Variants in ADGRL3 observed in about 807,000 individuals in gnomAD.
The protein encoded by ADGRL3 is adhesion G protein-coupled receptor L3.
A neutral mutation model predicts 153.5 loss-of-function variants in ADGRL3; 62 were observed. The observed-to-expected ratio is 0.40, with a 90% CI of 0.33 to 0.50. ADGRL3 has a LOEUF of 0.50. Among genes scored for constraint, ADGRL3 ranks in the 20% least tolerant of loss-of-function variants. ADGRL3 has a pLI of 0.47. For missense variants in ADGRL3, 1,641 were observed against 1,859.4 expected, an observed-to-expected ratio of 0.88 and a Z score of 2.16; for synonymous variants, 710 against 672.5, an observed-to-expected ratio of 1.06 and a Z score of -0.86.
intron 9 of ADGRL3, among the ~76,000 whole-genome samples, chr4:61,850,519 C>CTGATCTA (rs539794130): frequency 6.3e-4 from 96 of 152,240 alleles, no homozygotes; most frequent in African/African-American, 2.2e-3. Flanking sequence ...GTGAATAGTC[C>CTGATCTA]TGATCTATTT....
rs553454882 is a variant in ADGRL3, at chr4:61,540,653, T to C, written c.259+23135T>C. On this transcript the variant is annotated intron_variant, in intron 4 of 26. Transcript: ENST00000683033. ...TTAGATATTAAAATTATTAAGCATATTCCTAAAACTGGATTGAATGTAGCG... is the reference window on the plus strand; with the variant it reads ...TTAGATATTAAAATTATTAAGCATACTCCTAAAACTGGATTGAATGTAGCG... Among the ~76,000 whole-genome samples the C allele has an allele frequency of 3.9e-5, 6 of 152,334 alleles. No homozygotes were observed. The South Asian group carries it at 1.2e-3, about 32-fold the overall frequency.
chr4:61,332,460 C>A (rs965459127), intron 1 of ADGRL3, among the ~76,000 whole-genome samples: 3 of 152,120 alleles, frequency 2.0e-5, no homozygotes, highest in African/African-American at 4.8e-5. Flanking sequence ...AAATGATATA[C>A]CTTCTTTGAT....
intron 5 of ADGRL3, among the ~76,000 whole-genome samples, chr4:61,646,365 T>C (rs551979925): frequency 6.6e-6 from 1 of 152,052 alleles, no homozygotes; most frequent in South Asian, 2.1e-4. Context: ...GGCACTCTGC[T>C]TTTTAGAGTT....
At chr4:61,480,646 G>A (rs556926706) in intron 2 of ADGRL3, among the ~76,000 whole-genome samples, 12 of 152,062 alleles carry the variant, frequency 7.9e-5, no homozygotes, top group African/African-American at 2.2e-4. Flanking sequence ...AGCTGGGCGG[G>A]GTTTCGGGTG....
intron 5 of ADGRL3, among the ~76,000 whole-genome samples, chr4:61,607,592 C>T (rs1326489551): frequency 6.6e-6 from 1 of 151,940 alleles, no homozygotes; most frequent in African/African-American, 2.4e-5. Flanking sequence ...AGAGGTTCCA[C>T]CCAAACAAAC....
intron 9 of ADGRL3, among the ~76,000 whole-genome samples, chr4:61,880,622 G>A (rs947175749): frequency 6.6e-6 from 1 of 152,170 alleles, no homozygotes; most frequent in African/African-American, 2.4e-5. Context: ...AAAGTGGAAT[G>A]CCAAATTTCC....
chr4:61,671,551 A>T lies in ADGRL3; in HGVS notation c.474-5275A>T, dbSNP rs774783955. ...AAATTGCATATCTTTTTGATTGCAG[A>T]AAAGTCTATATATAAATAAATATGC... On this transcript the variant is annotated intron_variant, in intron 5 of 26. Coordinates refer to ENST00000683033, the MANE Select transcript of ADGRL3 (RefSeq NM_001387552.1). Among the ~76,000 whole-genome samples, 61 of 152,318 alleles carry T rather than the reference A, an allele frequency of 4.0e-4. 1 individual carries two copies. The highest frequency in any genetic ancestry group is 4.0e-4 in the Non-Finnish European group (27 of 68,024).
At chr4:61,518,856 T>C (rs1318825893) in intron 4 of ADGRL3, among the ~76,000 whole-genome samples, 2 of 152,234 alleles carry the variant, frequency 1.3e-5, no homozygotes, top group African/African-American at 4.8e-5. Flanking sequence ...TATTTTTCCC[T>C]TTCTGTTTTA....
chr4:61,900,371 A>T (rs1316574431), intron 11 of ADGRL3, among the ~76,000 whole-genome samples: 8 of 152,222 alleles, frequency 5.3e-5, no homozygotes, highest in Non-Finnish European at 1.2e-4. Flanking sequence ...TTTCAACTCA[A>T]AAATGAATTT....
At chr4:61,769,222 G>A (rs888194017) in intron 8 of ADGRL3, among the ~76,000 whole-genome samples, 17 of 152,186 alleles carry the variant, frequency 1.1e-4, no homozygotes, top group African/African-American at 2.7e-4. Context: ...CGTGACTGGC[G>A]CCGGAGTTTT....
chr4:61,539,902 C>T (rs909923056), intron 4 of ADGRL3, among the ~76,000 whole-genome samples: 6 of 152,120 alleles, frequency 3.9e-5, no homozygotes, highest in Admixed American at 3.3e-4. Flanking sequence ...CTGACTTCTT[C>T]CCATGGGCTG....
chr4:61,721,909 G>A (rs2096249751), intron 6 of ADGRL3, among the ~76,000 whole-genome samples: 1 of 151,976 alleles, frequency 6.6e-6, no homozygotes, highest in Non-Finnish European at 1.5e-5. Context: ...AACAAATACT[G>A]TTTGTATAAA....
At position 62,032,518 on chromosome 4, in the gene ADGRL3, G is replaced by T. The variant is rs965110151; in HGVS notation, c.3591+908G>T. Among the ~76,000 whole-genome samples, 10 of 151,516 alleles carry T rather than the reference G, an allele frequency of 6.6e-5. 1 individual carries two copies. In the East Asian group the frequency reaches 1.9e-3, roughly 29 times the overall value. On this transcript the variant is annotated intron_variant, in intron 23 of 26. Transcript: ENST00000683033. Reference sequence around the variant, plus strand: ...TCCCCATGTCTCAGTTTACTCATGTGTGACATGGAGGGGGTAAAAATAATT... The same window carrying T: ...TCCCCATGTCTCAGTTTACTCATGTTTGACATGGAGGGGGTAAAAATAATT...
At chr4:61,595,828 C>T (rs943528547) in intron 5 of ADGRL3, among the ~76,000 whole-genome samples, 5 of 152,122 alleles carry the variant, frequency 3.3e-5, no homozygotes, top group African/African-American at 9.7e-5. Context: ...ACCCAAGTTC[C>T]GGCCCATGGG....
intron 1 of ADGRL3, among the ~76,000 whole-genome samples, chr4:61,381,365 C>T (rs1425473286): frequency 1.4e-5 from 2 of 144,178 alleles, no homozygotes; most frequent in Admixed American, 7.0e-5. Flanking sequence ...ATTTGTTTAC[C>T]CAGTCAGCAT....
intron 13 of ADGRL3, among the ~76,000 whole-genome samples, chr4:61,924,379 T>A (rs1274338247): frequency 6.6e-6 from 1 of 152,202 alleles, no homozygotes; most frequent in East Asian, 1.9e-4. Flanking sequence ...ACACCCTTGG[T>A]GATCTCATTG....
intron 1 of ADGRL3, among the ~76,000 whole-genome samples, chr4:61,376,450 C>A (rs2096603945): frequency 6.6e-6 from 1 of 151,904 alleles, no homozygotes; most frequent in Admixed American, 6.6e-5. Flanking sequence ...AAGAAAGGAG[C>A]AGGCGTTGCT....
chr4:61,231,330 A>C (rs1750557529), intron 1 of ADGRL3, among the ~76,000 whole-genome samples: 1 of 152,154 alleles, frequency 6.6e-6, no homozygotes, highest in South Asian at 2.1e-4. Flanking sequence ...AGGCAGAAAC[A>C]GAAATTGGAA....
In ADGRL3 at chr4:62,072,653, T is replaced by A. The variant is rs571828213; in HGVS notation, c.*1745T>A. 1 of 152,288 alleles carries A rather than the reference T, an allele frequency of 6.6e-6. No homozygotes were observed. Among genetic ancestry groups the A allele is most frequent in the African/African-American group, 2.4e-5 (1 of 41,578 alleles). 9.4% of individuals were successfully genotyped at this position (152,288 alleles called of 1,614,324 possible). ...AACCAGAAAAATGGAATGGGCATGT[T>A]TATTTTGGATGAAATCAGATGCATA... On this transcript the variant is annotated 3_prime_UTR_variant, in exon 27 of 27. Transcript: ENST00000683033.
Sources: allele counts gnomAD v4.1 joint callset (sites outside exome capture counted in the v4.1 genomes callset), GRCh38; gene constraint gnomAD v4.1.1; transcripts MANE v1.5; gene names NCBI Gene and HGNC (gene_info 2026-07-23, HGNC 2026-07-21).